Variants in RAP1GAP2 observed in about 807,000 individuals in gnomAD.
RAP1GAP2 encodes the protein RAP1 GTPase activating protein 2.
In RAP1GAP2, 27 loss-of-function variants were observed where a neutral mutation model predicts 95.0. The ratio of observed to expected loss-of-function variants is 0.28; its 90% CI spans 0.21 to 0.39. The LOEUF (loss-of-function observed/expected upper bound fraction) is 0.39. Among genes scored for constraint, RAP1GAP2 ranks in the 10% least tolerant of loss-of-function variants. The pLI, the probability that RAP1GAP2 is intolerant of heterozygous loss-of-function variation, is 1.00. For missense variants in RAP1GAP2, 771 were observed against 970.0 expected (o/e 0.79, Z 2.72); for synonymous variants, 373 against 380.9 (o/e 0.98, Z 0.24).
chr17:2,920,849 C>G (rs1254774745), intron 3 of RAP1GAP2, among the ~76,000 whole-genome samples: 1 of 152,158 alleles, frequency 6.6e-6, no homozygotes, highest in African/African-American at 2.4e-5. Flanking sequence ...CGGGATGCTG[C>G]CAGATTCTGT....
chr17:2,851,602 G>A (rs769471215), intron 2 of RAP1GAP2, among the ~76,000 whole-genome samples: 13 of 152,136 alleles, frequency 8.5e-5, no homozygotes, highest in Non-Finnish European at 1.6e-4. Flanking sequence ...GAGAGGTTAC[G>A]ATTTTTTGGG....
chr17:2,796,197 G>T (rs1484857309), upstream of RAP1GAP2, among the ~76,000 whole-genome samples: 1 of 152,162 alleles, frequency 6.6e-6, no homozygotes, highest in Non-Finnish European at 1.5e-5. This position sits in a 1 kb window ranked among gnomAD's most constrained non-coding sequence, Gnocchi z 4.7. Flanking sequence ...CCAGGAAGCT[G>T]GGGCTGTGTG....
chr17:2,800,108 G>C, intron 1 of RAP1GAP2: 3 of 817,004 alleles, frequency 3.7e-6, no homozygotes, highest in Non-Finnish European at 4.4e-6. Context: ...CTGGCATTCA[G>C]ATTGACATCC....
At chr17:2,905,663 G>A (rs906967748) in intron 3 of RAP1GAP2, among the ~76,000 whole-genome samples, 12 of 152,316 alleles carry the variant, frequency 7.9e-5, no homozygotes, top group Admixed American at 7.2e-4. Flanking sequence ...GGAGGAAGCC[G>A]GGGGATAGAA....
rs1027139105 is a variant in RAP1GAP2, at chr17:2,796,862, G to C, written c.44+291G>C. Among the ~76,000 whole-genome samples the C allele has an allele frequency of 2.0e-4, 28 of 140,302 alleles. No homozygotes were observed. Among genetic ancestry groups the C allele is most frequent in the African/African-American group, 9.2e-4 (28 of 30,294 alleles). 92.0% of individuals were successfully genotyped at this position (140,302 alleles called of 152,430 possible). On this transcript the variant is annotated intron_variant, in intron 1 of 24. Coordinates refer to ENST00000254695, the MANE Select transcript of RAP1GAP2 (RefSeq NM_015085.5). This position sits in a 1 kb window ranked among gnomAD's most constrained non-coding sequence, Gnocchi z 4.7. The stretch of plus-strand genomic sequence containing the variant: ...ACTGCAGTTGAATGTGTGTGTCTCT[G>C]TGTCCGCAGGTTCCCATGTATGTGT...
rs151136728 is a variant in RAP1GAP2 at position 2,800,095 on chromosome 17, C to T, written c.45-420C>T. ...CAGACGCCTGGGAAATATGGATGTC[C>T]ACCTGGCATTCAGATTGACATCCGT... On this transcript the variant is annotated intron_variant, in intron 1 of 24. Transcript: ENST00000254695. 9.6e-3 allele frequency: 6,551 copies of T among 680,092 alleles called. 36 individuals carry two copies. Among genetic ancestry groups the T allele is most frequent in the Non-Finnish European group, 0.011 (5,796 of 551,320 alleles). The allele number at this position is 680,092 out of a possible 1,614,324, so 42.1% of individuals were successfully genotyped here.
chr17:2,805,104 A>C (rs1325921391), intron 2 of RAP1GAP2, among the ~76,000 whole-genome samples: 2 of 152,142 alleles, frequency 1.3e-5, no homozygotes, highest in Non-Finnish European at 2.9e-5. Flanking sequence ...CTGGCACAAA[A>C]CAGGTTTTCA....
chr17:2,840,516 G>A (rs1435217639), intron 2 of RAP1GAP2, among the ~76,000 whole-genome samples: 2 of 151,848 alleles, frequency 1.3e-5, no homozygotes, highest in Non-Finnish European at 2.9e-5. Context: ...TAAGGAGCAG[G>A]GCATTATATT....
chr17:2,807,600 C>T (rs1597346771), intron 2 of RAP1GAP2, among the ~76,000 whole-genome samples: 1 of 152,148 alleles, frequency 6.6e-6, no homozygotes, highest in Non-Finnish European at 1.5e-5. Flanking sequence ...TCCAGGGGTG[C>T]GTAAGGTCAG....
At chr17:2,847,228 C>T (rs2071627166) in intron 2 of RAP1GAP2, among the ~76,000 whole-genome samples, 1 of 152,094 alleles carries the variant, frequency 6.6e-6, no homozygotes, top group Non-Finnish European at 1.5e-5. Flanking sequence ...AGACTGGTCT[C>T]GAACTCCTGA....
chr17:3,024,707 C>T (rs1303863250), intron 19 of RAP1GAP2, among the ~76,000 whole-genome samples: 1 of 152,184 alleles, frequency 6.6e-6, no homozygotes, highest in Non-Finnish European at 1.5e-5. Flanking sequence ...GCCATCTATC[C>T]ATAAAATGGA....
At chr17:3,014,948 G>A (rs1218280354) in intron 17 of RAP1GAP2, among the ~76,000 whole-genome samples, 2 of 152,178 alleles carry the variant, frequency 1.3e-5, no homozygotes, top group Non-Finnish European at 2.9e-5. Flanking sequence ...AAAGCAGGAG[G>A]CTTACTGGAG....
At chr17:2,798,645 A>C (rs1449845922) in intron 1 of RAP1GAP2, among the ~76,000 whole-genome samples, 1 of 4,200 alleles carries the variant, frequency 2.4e-4, no homozygotes, top group Non-Finnish European at 4.1e-4. Context: ...CAAGGTGATG[A>C]GGGTGGGTGG....
rs1176491621 is a variant in RAP1GAP2 at position 2,902,803 on chromosome 17, G to T, written c.81-2481G>T. Reference sequence around the variant, plus strand: ...CCCAGGAGCTTATCCAGCATCCAGGGGGAAAAGGCAGGGGAGAGGGGCTCA... The same window carrying T: ...CCCAGGAGCTTATCCAGCATCCAGGTGGAAAAGGCAGGGGAGAGGGGCTCA... On this transcript the variant is annotated intron_variant, in intron 2 of 24. Coordinates refer to ENST00000254695, the MANE Select transcript of RAP1GAP2 (RefSeq NM_015085.5). This position sits in a 1 kb window ranked among gnomAD's most constrained non-coding sequence, Gnocchi z 4.1. 1.3e-5 allele frequency among the ~76,000 whole-genome samples: 2 copies of T among 152,170 alleles called. No individual in the cohort carries two copies. The highest frequency in any genetic ancestry group is 4.8e-5 in the African/African-American group (2 of 41,432).
intron 2 of RAP1GAP2, among the ~76,000 whole-genome samples, chr17:2,815,305 T>C (rs1210561959): frequency 6.6e-6 from 1 of 152,092 alleles, no homozygotes; most frequent in Non-Finnish European, 1.5e-5. Flanking sequence ...GCGCAACCTC[T>C]CTGTGCCCCA....
chr17:2,810,522 CTTTTTTTTTTTT>C (rs1169922962), intron 2 of RAP1GAP2, among the ~76,000 whole-genome samples: 3 of 69,434 alleles, frequency 4.3e-5, no homozygotes, highest in South Asian at 1.2e-3. Context: ...TCCCCCCACC[CTTTTTTTTTTTT>C]TTTTTTTTTT....
intron 1 of RAP1GAP2, among the ~76,000 whole-genome samples, chr17:2,789,740 C>G (rs949770770): frequency 5.8e-5 from 8 of 138,850 alleles, no homozygotes; most frequent in Non-Finnish European, 9.0e-5. Flanking sequence ...CGAGATTGCA[C>G]CAGTGCACTC....
At chr17:3,012,618 AAAAAAAAAAAAAAC>A (rs1567894932) in intron 17 of RAP1GAP2, among the ~76,000 whole-genome samples, 1 of 151,336 alleles carries the variant, frequency 6.6e-6, no homozygotes, top group African/African-American at 2.4e-5. Flanking sequence ...AAAAAAAAAA[AAAAAAAAAAAAAAC>A]AAACCTAAAG....
At chr17:2,841,062 G>C (rs1387574859) in intron 2 of RAP1GAP2, among the ~76,000 whole-genome samples, 1 of 151,732 alleles carries the variant, frequency 6.6e-6, no homozygotes, top group African/African-American at 2.4e-5. Context: ...AGCTGAGGCA[G>C]GAGAATCGCT....
Sources: allele counts gnomAD v4.1 joint callset (sites outside exome capture counted in the v4.1 genomes callset), GRCh38; gene constraint gnomAD v4.1.1; non-coding constraint Gnocchi (gnomAD v3.1); transcripts MANE v1.5; gene names NCBI Gene and HGNC (gene_info 2026-07-23, HGNC 2026-07-21).